ABCA12: variants seen among roughly 807,000 people sequenced by gnomAD.
ABCA12 encodes glucosylceramide transporter ABCA12.
Under a neutral mutation model 293.5 loss-of-function variants are expected in ABCA12, and 156 were observed. The observed-to-expected ratio is 0.53, with a 90% CI of 0.47 to 0.61. ABCA12 has a LOEUF of 0.61. ABCA12 is among the 20% of genes least tolerant of loss of function. The pLI is 0.00. For synonymous variants in ABCA12, 1,063 were observed against 1,108.0 expected (o/e 0.96, Z 0.81); for missense variants, 2,797 against 3,090.2 (o/e 0.91, Z 2.25).
intron 2 of ABCA12, among the ~76,000 whole-genome samples, chr2:215,090,622 T>C (rs186101808): frequency 9.2e-5 from 14 of 152,248 alleles, no homozygotes; most frequent in African/African-American, 2.9e-4. Context: ...CAGTCTTCCC[T>C]TGGTATCTAA....
chr2:215,115,687 C>T (rs13418146), intron 1 of ABCA12, among the ~76,000 whole-genome samples: 20,357 of 152,104 alleles, frequency 0.13, 3,132 homozygotes, highest in African/African-American at 0.38. Flanking sequence ...TTTATTTCTC[C>T]AGGATTTATT....
chr2:214,944,508 T>G (rs76077533), intron 49 of ABCA12, among the ~76,000 whole-genome samples: 8 of 152,014 alleles, frequency 5.3e-5, no homozygotes, highest in Admixed American at 5.2e-4. Context: ...ATGGGAAGAA[T>G]GCAGAACCAG....
chr2:214,996,643 TA>T (rs1700039419), intron 23 of ABCA12, among the ~76,000 whole-genome samples: 1 of 152,106 alleles, frequency 6.6e-6, no homozygotes, highest in Non-Finnish European at 1.5e-5. Context: ...ATAACTGAAA[TA>T]TAAAAATGCA....
intron 3 of ABCA12, among the ~76,000 whole-genome samples, chr2:215,058,125 T>C (rs985443238): frequency 6.6e-6 from 1 of 152,030 alleles, no homozygotes; most frequent in Non-Finnish European, 1.5e-5. Context: ...AATGCAAGCC[T>C]CTTGCAACCA....
At chr2:215,063,581 T>C (rs1187429045) in intron 3 of ABCA12, among the ~76,000 whole-genome samples, 1 of 151,912 alleles carries the variant, frequency 6.6e-6, no homozygotes, top group African/African-American at 2.4e-5. Context: ...CATTCAATTA[T>C]GTATACTTTT....
intron 31 of ABCA12, 127 bp from the exon 32 acceptor site, chr2:214,979,167 A>T: frequency 1.2e-6 from 1 of 843,060 alleles, no homozygotes; most frequent in Non-Finnish European, 2.0e-6. Context: ...TCATAACATC[A>T]CTGCTCTAGA....
At chr2:215,100,565 A>G (rs530693390) in intron 2 of ABCA12, among the ~76,000 whole-genome samples, 615 of 1,370 alleles carry the variant, frequency 0.45, 5 homozygotes, top group Admixed American at 0.48. Flanking sequence ...TTATGTGCAA[A>G]GTACTGGCCA....
chr2:215,014,711 G>A (rs1403832), intron 15 of ABCA12, among the ~76,000 whole-genome samples: 152,027 of 152,326 alleles, frequency 1, 75,866 homozygotes, highest in East Asian at 1. Flanking sequence ...GTAACTCAGA[G>A]CAGAATTATT....
At chr2:215,124,443 T>C (rs1224514140) in intron 1 of ABCA12, among the ~76,000 whole-genome samples, 1 of 152,202 alleles carries the variant, frequency 6.6e-6, no homozygotes, top group Non-Finnish European at 1.5e-5. Flanking sequence ...GTAGAAGTGT[T>C]CCCTGTTCAC....
intron 2 of ABCA12, among the ~76,000 whole-genome samples, chr2:215,072,986 C>G (rs1386516384): frequency 6.6e-6 from 1 of 151,978 alleles, no homozygotes; most frequent in Non-Finnish European, 1.5e-5. Flanking sequence ...CCCCAGCTAC[C>G]TGGGAAGCTG....
intron 1 of ABCA12, among the ~76,000 whole-genome samples, chr2:215,125,196 G>A (rs1266602420): frequency 6.6e-6 from 1 of 152,094 alleles, no homozygotes; most frequent in African/African-American, 2.4e-5. Context: ...TGCTGTTTTG[G>A]TGACTATGGC....
At chr2:215,041,078 CA>C (rs1206736040) in intron 7 of ABCA12, among the ~76,000 whole-genome samples, 8 of 151,400 alleles carry the variant, frequency 5.3e-5, no homozygotes, top group South Asian at 2.1e-4. Flanking sequence ...GTTCTCACCA[CA>C]AAAAAATAAG....
intron 2 of ABCA12, among the ~76,000 whole-genome samples, chr2:215,102,154 A>G (rs1702371353): frequency 6.6e-6 from 1 of 152,212 alleles, no homozygotes. Context: ...GAGATTATGC[A>G]TGACTTCCAT....
chr2:214,966,745 AT>A (rs1475501363), intron 39 of ABCA12, 102 bp downstream of exon 39: 1 of 1,064,286 alleles, frequency 9.4e-7, no homozygotes, highest in African/African-American at 1.6e-5. Flanking sequence ...TTTAGATACC[AT>A]AAAATACCTG....
At chr2:215,051,607 C>T (rs1011165119) in intron 5 of ABCA12, among the ~76,000 whole-genome samples, 3 of 31,086 alleles carry the variant, frequency 9.7e-5, no homozygotes, top group South Asian at 3.2e-3. Flanking sequence ...ATTAAAAACG[C>T]TAGTGTGTGT....
chr2:215,134,614 T>TAG lies in ABCA12; in HGVS notation c.69+3525_69+3526insCT, dbSNP rs1286743026. Among the ~76,000 whole-genome samples the TAG allele has an allele frequency of 1.5e-3, 126 of 86,280 alleles. 11 individuals carry two copies. The highest frequency in any genetic ancestry group is 9.1e-3 in the African/African-American group (100 of 10,940). 56.6% of individuals were successfully genotyped at this position (86,280 alleles called of 152,430 possible). A position where few individuals can be genotyped will look rare whatever the true frequency, so the allele number is the denominator to read the frequency against. ...CTCTCTCTCTCTATATATATATATA[T>TAG]ATAGAGAGAGAGAGAGAGAGAGAGA... On this transcript the variant is annotated intron_variant, in intron 1 of 52. Coordinates refer to ENST00000272895, the MANE Select transcript of ABCA12 (RefSeq NM_173076.3).
intron 2 of ABCA12, among the ~76,000 whole-genome samples, chr2:215,110,418 G>A (rs1459695488): frequency 6.6e-6 from 1 of 152,220 alleles, no homozygotes; most frequent in East Asian, 1.9e-4. Context: ...GGCTAAGGCA[G>A]GAGAATGGTG....
chr2:214,935,403 G>C (rs1698187725), intron 51 of ABCA12, among the ~76,000 whole-genome samples: 1 of 152,146 alleles, frequency 6.6e-6, no homozygotes, highest in African/African-American at 2.4e-5. Context: ...TCCACTAAAA[G>C]AGAAAGCATT....
At chr2:214,998,048 C>G (rs4673927) in intron 22 of ABCA12, among the ~76,000 whole-genome samples, 151,860 of 152,218 alleles carry the variant, frequency 1, 75,753 homozygotes, top group East Asian at 1. Context: ...TGGATTATTA[C>G]ATAAAATTGC....
Sources: allele counts gnomAD v4.1 joint callset (sites outside exome capture counted in the v4.1 genomes callset), GRCh38; gene constraint gnomAD v4.1.1; transcripts MANE v1.5; gene names NCBI Gene and HGNC (gene_info 2026-07-23, HGNC 2026-07-21).